The following SLC25A41 variants were observed in gnomAD, a reference collection of about 807,000 sequenced individuals.
SLC25A41 encodes solute carrier family 25 member 41, also known as mitochondrial carrier protein SCaMC-3L.
In SLC25A41, 35 loss-of-function variants were observed where a neutral mutation model predicts 34.7. The ratio of observed to expected loss-of-function variants is 1.01; its 90% confidence interval spans 0.77 to 1.34. The LOEUF (loss-of-function observed/expected upper bound fraction) is 1.34, where lower values mean the gene tolerates loss of function less well. SLC25A41 is among the 40% of genes most tolerant of loss of function. The probability of loss-of-function intolerance (pLI) is 0.00; values close to 1 mark genes in which losing one functional copy is unlikely to be tolerated. For synonymous variants in SLC25A41, 190 were observed against 209.9 expected (o/e 0.91, Z 0.82); for missense variants, 492 against 489.8 (o/e 1.00, Z -0.04).
chr19:6,429,033 A>G (rs1156917376), intron 4 of SLC25A41, among the ~76,000 whole-genome samples: 1 of 44,006 alleles, frequency 2.3e-5, no homozygotes, highest in Non-Finnish European at 3.4e-5. Flanking sequence ...TTATATATAT[A>G]TATATAATAT....
At position 6,427,537 on chromosome 19, in the gene SLC25A41, T is replaced by G. The variant is rs765697424; in HGVS notation, c.625-36A>C. 6.8e-7 allele frequency: 1 copy of G among 1,465,170 alleles called. No individual in the cohort carries two copies. The highest frequency in any genetic ancestry group is 1.4e-5 in the African/African-American group (1 of 70,972). 90.8% of individuals were successfully genotyped at this position (1,465,170 alleles called of 1,614,324 possible). On this transcript the variant is annotated intron_variant, in intron 4 of 6. Coordinates refer to ENST00000321510, the MANE Select transcript of SLC25A41 (RefSeq NM_173637.4). The surrounding 1 kb of genome is among the most constrained non-coding windows in gnomAD (Gnocchi z 4.9). Reference sequence around the variant, plus strand: ...CGGGGAACAAGGCAGCTCATTTGATTGAATCCTGTCAATGACCCTCGGGGT... The same window carrying G: ...CGGGGAACAAGGCAGCTCATTTGATGGAATCCTGTCAATGACCCTCGGGGT...
At chr19:6,433,807 T>G, upstream of SLC25A41, 3 of 851,126 alleles carry the variant, frequency 3.5e-6, no homozygotes, top group Non-Finnish European at 5.2e-6. Flanking sequence ...GAGGATGAAG[T>G]CACAAACGCC....
At chr19:6,434,960 T>C (rs1437060905), upstream of SLC25A41, among the ~76,000 whole-genome samples, 3 of 151,498 alleles carry the variant, frequency 2.0e-5, no homozygotes, top group Non-Finnish European at 4.4e-5. Context: ...CCGTGGCTCA[T>C]TCCTATAATA....
At chr19:6,434,054 C>T (rs1484131209), upstream of SLC25A41, among the ~76,000 whole-genome samples, 1 of 152,208 alleles carries the variant, frequency 6.6e-6, no homozygotes, top group Non-Finnish European at 1.5e-5. Context: ...CACCATTCTC[C>T]TGCCTCAGCC....
rs1355588799 is a variant in SLC25A41 at position 6,429,072 on chromosome 19, ATAATATATATATT to A, written c.624+639_624+651del. Among the ~76,000 whole-genome samples, 211 of 61,212 alleles carry A rather than the reference ATAATATATATATT, an allele frequency of 3.4e-3. 52 individuals carry two copies. Among genetic ancestry groups the A allele is most frequent in the African/African-American group, 0.015 (162 of 10,892 alleles). The allele number at this position is 61,212 out of a possible 152,430, so 40.2% of individuals were successfully genotyped here. On this transcript the variant is annotated intron_variant, in intron 4 of 6. Transcript: ENST00000321510. Reference sequence around the variant, plus strand: ...TATTATATATATGTTATATATATATATAATATATATATTATATATATGTTACATATATATATAA... The same window carrying A: ...TATTATATATATGTTATATATATATAATATATATGTTACATATATATATAA...
rs185833749 is a variant in SLC25A41, at chr19:6,432,172, G to A, written c.240C>T (p.Pro80=). The A allele has an allele frequency of 4.6e-4, 747 of 1,613,792 alleles. 2 individuals are homozygous for A. Among genetic ancestry groups the A allele is most frequent in the Non-Finnish European group, 5.8e-4 (690 of 1,179,824 alleles). Residue 80 remains proline, a synonymous_variant, in exon 2 of 7, where the codon CCC becomes CCT. Transcript: ENST00000321510. ...VLDTGEQLMV[P]VEVLEVDNKE... ...TGTTATCCACTTCCAGGACTTCCACGGGGACCATCAGCTGCTCTCCTGTGT... is the reference window on the plus strand; with the variant it reads ...TGTTATCCACTTCCAGGACTTCCACAGGGACCATCAGCTGCTCTCCTGTGT...
chr19:6,426,198 C>A lies in SLC25A41; in HGVS notation c.*191G>T. ...GGAGTTTTCTGACCCAGCACTGCCC[C>A]CCTCCACCCACCACCAACCCCAGCT... On this transcript the variant is annotated 3_prime_UTR_variant, in exon 7 of 7. Transcript: ENST00000321510. 1.7e-6 allele frequency: 1 copy of A among 604,526 alleles called. No individual in the cohort carries two copies. The highest frequency in any genetic ancestry group is 2.8e-6 in the Non-Finnish European group (1 of 354,504). 37.4% of individuals were successfully genotyped at this position (604,526 alleles called of 1,614,324 possible).
chr19:6,431,986 C>T, intron 2 of SLC25A41, 63 bp downstream of exon 2: 1 of 1,557,730 alleles, frequency 6.4e-7, no homozygotes, highest in Non-Finnish European at 8.7e-7. Flanking sequence ...CATCTGTCCT[C>T]ACCCCACGTT....
intron 4 of SLC25A41, among the ~76,000 whole-genome samples, chr19:6,429,164 A>ATT (rs1491091352): frequency 0.011 from 59 of 5,520 alleles, 11 homozygotes; most frequent in African/African-American, 0.037. Flanking sequence ...TTATATATAT[A>ATT]ATATATATAT....
intron 2 of SLC25A41, among the ~76,000 whole-genome samples, chr19:6,431,509 G>A (rs745980919): frequency 2.6e-5 from 4 of 151,296 alleles, no homozygotes; most frequent in Non-Finnish European, 4.4e-5. Flanking sequence ...ATGCAATCTC[G>A]GCTCACTGCA....
rs2092241011 is a variant in SLC25A41 at position 6,426,429 on chromosome 19, T to C, written c.1073A>G (p.Tyr358Cys). ...TTTCTTCATGGCTTCGTACACCACA[T>C]AGCTGATGCCACCTGCTGGTAAGAC... ...LKVLPAGGIS[Y>C]VVYEAMKKTL... is the part of the protein sequence containing the mutation. The change falls in exon 7 of 7, where the codon TAT becomes TGT. Residue 358 changes from tyrosine to cysteine, a missense_variant. By Grantham distance (194) the Tyr-to-Cys change is radical. Transcript: ENST00000321510. 4.3e-6 allele frequency: 7 copies of C among 1,613,690 alleles called. No individual in the cohort carries two copies. Among genetic ancestry groups the C allele is most frequent in the South Asian group, 1.1e-5 (1 of 91,094 alleles).
At position 6,429,779 on chromosome 19, in the gene SLC25A41, A is replaced by T. The variant is rs781401867; in HGVS notation, c.569T>A (p.Leu190His). 4 of 1,610,414 alleles carry T rather than the reference A, an allele frequency of 2.5e-6. No individual in the cohort carries two copies. The highest frequency in any genetic ancestry group is 3.4e-6 in the Non-Finnish European group (4 of 1,178,566). The stretch of plus-strand genomic sequence containing the variant: ...GGCCACAGCCAGGGAGCCAGCAAGG[A>T]GACGCTCCTGGAAGGGCGGGGACCC... The part of the protein sequence containing the change: ...IQGSPPFQER[L>H]LAGSLAVAIS... The change falls in exon 4 of 7, where the codon CTC becomes CAC. Residue 190 changes from leucine (L) to histidine (H), a missense_variant. Leu to His is a moderately conservative substitution (Grantham distance 99). Transcript: ENST00000321510.
chr19:6,435,238 G>GA (rs550630442), upstream of SLC25A41, among the ~76,000 whole-genome samples: 144 of 118,460 alleles, frequency 1.2e-3, no homozygotes, highest in Non-Finnish European at 1.5e-3. Context: ...AAAAAAAAAA[G>GA]AAAAAAAAAA....
chr19:6,433,131 C>T (rs1190000083), intron 1 of SLC25A41, among the ~76,000 whole-genome samples: 2 of 152,140 alleles, frequency 1.3e-5, no homozygotes, highest in East Asian at 3.8e-4. Context: ...TCACTGCAAC[C>T]TCTACCTCCT....
At chr19:6,434,540 T>C (rs991660276), upstream of SLC25A41, among the ~76,000 whole-genome samples, 2 of 152,216 alleles carry the variant, frequency 1.3e-5, no homozygotes, top group Non-Finnish European at 2.9e-5. Flanking sequence ...CCCCGCTCTT[T>C]AGTGTTTCCT....
At chr19:6,429,134 A>ATATATATAATATATATATTATATATATGT (rs2092265194) in intron 4 of SLC25A41, among the ~76,000 whole-genome samples, 1 of 54,662 alleles carries the variant, frequency 1.8e-5, no homozygotes, top group Non-Finnish European at 2.9e-5. Flanking sequence ...TATATGTTAT[A>ATATATATAATATATATATTATATATATGT]TATATATATA....
Position 6,432,034 on chromosome 19 carries a change from C to T in SLC25A41, c.363+15G>A. 1.9e-6 allele frequency: 3 copies of T among 1,605,036 alleles called. No individual in the cohort carries two copies. Among genetic ancestry groups the T allele is most frequent in the Admixed American group, 1.7e-5 (1 of 59,162 alleles). On this transcript the variant is annotated intron_variant, in intron 2 of 6. Coordinates refer to ENST00000321510, the MANE Select transcript of SLC25A41 (RefSeq NM_173637.4). ...TCCAGCGCTGGGTCCCGTCCTCCCCCCAACCCACACAAACCTGCATGTACA... is the reference window on the plus strand; with the variant it reads ...TCCAGCGCTGGGTCCCGTCCTCCCCTCAACCCACACAAACCTGCATGTACA...
rs1365094807 is a variant in SLC25A41 at position 6,433,468 on chromosome 19, T to G, written c.207+19A>C. On this transcript the variant is annotated intron_variant, in intron 1 of 6. Transcript: ENST00000321510. ...GTCCTGACCAGAGGTGCCGGGACAC[T>G]GGTGTTTCCTAAACTCACCTGCTGT... is the stretch of plus-strand genomic sequence containing the variant. 6.2e-7 allele frequency: 1 copy of G among 1,611,250 alleles called. No homozygotes were observed. The highest frequency in any genetic ancestry group is 1.1e-5 in the South Asian group (1 of 90,992).
At chr19:6,429,651 G>A (rs2092275491) in intron 4 of SLC25A41, 73 bp downstream of exon 4, 4 of 1,095,136 alleles carry the variant, frequency 3.7e-6, no homozygotes, top group Non-Finnish European at 5.2e-6. Flanking sequence ...AGGAGGAAGA[G>A]GAAGTAGCCC....
Sources: allele counts gnomAD v4.1 joint callset (sites outside exome capture counted in the v4.1 genomes callset), GRCh38; gene constraint gnomAD v4.1.1; non-coding constraint Gnocchi (gnomAD v3.1); transcripts MANE v1.5; gene names NCBI Gene and HGNC (gene_info 2026-07-23, HGNC 2026-07-21).